GPAT3: variants seen among roughly 807,000 people sequenced by gnomAD.
The protein encoded by GPAT3 is 1-AGP acyltransferase 9.
Under a neutral mutation model 58.8 loss-of-function variants are expected in GPAT3, and 53 were observed. That is an observed-to-expected ratio of 0.90 (90% CI 0.72 to 1.13). GPAT3 has a LOEUF of 1.13. GPAT3 is among the 50% of genes most tolerant of loss of function. The probability of loss-of-function intolerance (pLI) is 0.00; values close to 1 mark genes in which losing one functional copy is unlikely to be tolerated. For synonymous variants in GPAT3, 197 were observed against 187.4 expected, an observed-to-expected ratio of 1.05 and a Z score of -0.42; for missense variants, 511 against 527.6, an observed-to-expected ratio of 0.97 and a Z score of 0.31.
Position 83,597,454 on chromosome 4 carries a change from T to C in GPAT3, c.935T>C (p.Val312Ala). The C allele has an allele frequency of 6.4e-7, 1 of 1,574,604 alleles. No homozygotes were observed. The highest frequency in any genetic ancestry group is 8.6e-7 in the Non-Finnish European group (1 of 1,159,390). ...GGAACTTGCATCAACAATACTTCAG[T>C]CATGATGTTTAAAAAGGGGAGCTTT... ...PEGTCINNTS[V>A]MMFKKGSFEI... The change falls in exon 9 of 12, where the codon GTC (valine) becomes GCC (alanine). Residue 312 changes from valine (V) to alanine (A), a missense_variant. By Grantham distance (64) the Val-to-Ala change is moderately conservative (BLOSUM62 0). Coordinates refer to ENST00000264409, the MANE Select transcript of GPAT3 (RefSeq NM_032717.5).
intron 2 of GPAT3, among the ~76,000 whole-genome samples, chr4:83,574,892 T>TTTTTTTG: frequency 6.8e-6 from 1 of 146,874 alleles, no homozygotes; most frequent in Non-Finnish European, 1.5e-5. Context: ...GTTTTTTTTT[T>TTTTTTTG]TTTGAGACGG....
chr4:83,547,316 G>C (rs994308927), intron 2 of GPAT3, among the ~76,000 whole-genome samples: 4 of 145,738 alleles, frequency 2.7e-5, no homozygotes, highest in African/African-American at 1.1e-4. Context: ...GCAGTGGCGG[G>C]ATCTCGGCTC....
chr4:83,551,238 T>C (rs1253789121), intron 2 of GPAT3, among the ~76,000 whole-genome samples: 1 of 152,122 alleles, frequency 6.6e-6, no homozygotes, highest in African/African-American at 2.4e-5. Context: ...TAAACTGAAT[T>C]AACTGGACTT....
At chr4:83,557,392 C>A (rs965666924) in intron 2 of GPAT3, among the ~76,000 whole-genome samples, 1 of 152,168 alleles carries the variant, frequency 6.6e-6, no homozygotes, top group Non-Finnish European at 1.5e-5. Flanking sequence ...GCAGACATCA[C>A]TAGTTGATGA....
intron 2 of GPAT3, among the ~76,000 whole-genome samples, chr4:83,572,042 G>A (rs1725629973): frequency 6.6e-6 from 1 of 151,982 alleles, no homozygotes; most frequent in Non-Finnish European, 1.5e-5. Flanking sequence ...CAAAGTGCTG[G>A]GATTACAGAT....
At chr4:83,601,632 G>C (rs545430035) in intron 11 of GPAT3, among the ~76,000 whole-genome samples, 116 of 152,364 alleles carry the variant, frequency 7.6e-4, no homozygotes, top group African/African-American at 2.7e-3. Context: ...GCGCACACCT[G>C]TAGTCCCAGC....
At chr4:83,583,176 C>G (rs1307848191) in intron 3 of GPAT3, among the ~76,000 whole-genome samples, 1 of 151,988 alleles carries the variant, frequency 6.6e-6, no homozygotes, top group East Asian at 1.9e-4. Context: ...CACACCTAGT[C>G]TCAGCTACTC....
intron 3 of GPAT3, among the ~76,000 whole-genome samples, chr4:83,585,039 T>C (rs34790968): frequency 0.37 from 56,708 of 152,040 alleles, 10,845 homozygotes; most frequent in African/African-American, 0.45. Flanking sequence ...ATTTAATGGA[T>C]GGGAACAAGT....
intron 2 of GPAT3, among the ~76,000 whole-genome samples, chr4:83,562,108 C>A (rs113067978): frequency 6.9e-6 from 1 of 145,446 alleles, no homozygotes. Context: ...AAATTGTAAG[C>A]AAAGGCAGGA....
In GPAT3 at chr4:83,562,432, T is replaced by C. The variant is rs1190055466; in HGVS notation, c.208+17830T>C. Among the ~76,000 whole-genome samples, 3 of 150,568 alleles carry C rather than the reference T, an allele frequency of 2.0e-5. 1 individual carries two copies. The Admixed American group carries it at 2.0e-4, about 10-fold the overall frequency. On this transcript the variant is annotated intron_variant, in intron 2 of 11. Coordinates refer to ENST00000264409, the MANE Select transcript of GPAT3 (RefSeq NM_032717.5). Reference sequence around the variant, plus strand: ...AAGATGAATCTGGCAGTTTTATGAGTGGCATTAGACAGGATGTGTGTGGGA... The same window carrying C: ...AAGATGAATCTGGCAGTTTTATGAGCGGCATTAGACAGGATGTGTGTGGGA...
intron 2 of GPAT3, among the ~76,000 whole-genome samples, chr4:83,564,706 G>GA (rs148521338): frequency 0.041 from 6,188 of 149,714 alleles, 451 homozygotes; most frequent in African/African-American, 0.14. Context: ...CACAAAAAAA[G>GA]AAAAAAAAAG....
At chr4:83,580,903 T>G (rs572809656) in intron 2 of GPAT3, among the ~76,000 whole-genome samples, 1 of 152,096 alleles carries the variant, frequency 6.6e-6, no homozygotes, top group East Asian at 1.9e-4. Flanking sequence ...GAGACCATCC[T>G]GGCTAACATG....
chr4:83,601,367 C>T (rs766326313), intron 11 of GPAT3, among the ~76,000 whole-genome samples: 5 of 152,234 alleles, frequency 3.3e-5, no homozygotes, highest in Admixed American at 2.6e-4. Flanking sequence ...AGCGTGAATA[C>T]AACTAATTGC....
At chr4:83,585,866 C>T (rs545715693) in intron 3 of GPAT3, among the ~76,000 whole-genome samples, 7 of 152,256 alleles carry the variant, frequency 4.6e-5, no homozygotes, top group African/African-American at 1.2e-4. Flanking sequence ...GGATTGTAGC[C>T]GTGAGACACT....
chr4:83,562,213 A>ATATATATATATAATATATATATAT (rs1725182634), intron 2 of GPAT3, among the ~76,000 whole-genome samples: 1 of 20,362 alleles, frequency 4.9e-5, no homozygotes, highest in African/African-American at 4.3e-4. Context: ...TATATATATT[A>ATATATATATATAATATATATATAT]TATATATATA....
At chr4:83,576,412 T>TTTTTTTTA (rs1553946476) in intron 2 of GPAT3, among the ~76,000 whole-genome samples, 9 of 142,684 alleles carry the variant, frequency 6.3e-5, no homozygotes, top group African/African-American at 1.8e-4. Flanking sequence ...GAAAATATCA[T>TTTTTTTTA]TTTATTTATT....
At chr4:83,545,346 TG>T (rs1724467695) in intron 2 of GPAT3, among the ~76,000 whole-genome samples, 1 of 151,902 alleles carries the variant, frequency 6.6e-6, no homozygotes, top group East Asian at 1.9e-4. Flanking sequence ...AGTGGGGTCC[TG>T]AGGTGGGAGG....
chr4:83,552,751 A>G (rs907222352), intron 2 of GPAT3, among the ~76,000 whole-genome samples: 11 of 152,220 alleles, frequency 7.2e-5, no homozygotes, highest in Non-Finnish European at 1.2e-4. Context: ...CTGAATGTCT[A>G]TGTCCCCCCC....
At chr4:83,563,741 A>G (rs1252098745) in intron 2 of GPAT3, among the ~76,000 whole-genome samples, 2 of 152,064 alleles carry the variant, frequency 1.3e-5, no homozygotes, top group Non-Finnish European at 2.9e-5. Context: ...TTGGCCTCCC[A>G]AAGTGTTAGG....
Sources: gnomAD v4.1 joint callset for allele counts (sites outside exome capture counted in the v4.1 genomes callset) on GRCh38, gnomAD v4.1.1 for gene constraint, MANE v1.5 for transcripts, NCBI Gene and HGNC (gene_info 2026-07-23, HGNC 2026-07-21) for gene names.